The following GPC5 variants were observed in gnomAD, a reference collection of about 807,000 sequenced individuals.
GPC5 encodes the protein glypican 5, also known as glypican-5.
A neutral mutation model predicts 53.9 loss-of-function variants in GPC5; 47 were observed. The ratio of observed to expected loss-of-function variants is 0.87; its 90% CI spans 0.69 to 1.11. The LOEUF (loss-of-function observed/expected upper bound fraction) is 1.11, where lower values mean the gene tolerates loss of function less well. Ranked by LOEUF, GPC5 falls within the 50% of genes most tolerant of loss-of-function variation. GPC5 has a pLI of 0.00. For missense variants in GPC5, 748 were observed against 713.1 expected (o/e 1.05, Z -0.56); for synonymous variants, 286 against 263.3 (o/e 1.09, Z -0.84).
chr13:92,174,156 A>T (rs2042090861), intron 7 of GPC5, among the ~76,000 whole-genome samples: 1 of 152,030 alleles, frequency 6.6e-6, no homozygotes, highest in Non-Finnish European at 1.5e-5. Context: ...GCTTGCTGAT[A>T]AAAGTCATCT....
chr13:92,013,868 A>G (rs1368849094), intron 6 of GPC5, among the ~76,000 whole-genome samples: 1 of 152,176 alleles, frequency 6.6e-6, no homozygotes, highest in Non-Finnish European at 1.5e-5. Flanking sequence ...AAATTGTCAT[A>G]TAAAGCTTCA....
chr13:92,640,463 T>C (rs891589758), intron 7 of GPC5, among the ~76,000 whole-genome samples: 1 of 152,068 alleles, frequency 6.6e-6, no homozygotes, highest in Non-Finnish European at 1.5e-5. Flanking sequence ...AGTTTCACCG[T>C]GTTAGCCAGG....
rs142830361 is a variant in GPC5, at chr13:92,628,744, C to A, written c.1562-237538C>A. On this transcript the variant is annotated intron_variant, in intron 7 of 7. Transcript: ENST00000377067. The stretch of plus-strand genomic sequence containing the variant: ...CAAGTGTTCAAACCCCTGACTCCTT[C>A]TCCGAGTTGAGACTCTCATTGGCCT... Among the ~76,000 whole-genome samples, 350 of 152,248 alleles carry A rather than the reference C, an allele frequency of 2.3e-3. 2 individuals carry two copies. The highest frequency in any genetic ancestry group is 3.4e-3 in the Middle Eastern group (1 of 294).
chr13:92,665,237 T>A (rs1343939522), intron 7 of GPC5, among the ~76,000 whole-genome samples: 1 of 152,080 alleles, frequency 6.6e-6, no homozygotes, highest in Non-Finnish European at 1.5e-5. Flanking sequence ...AACAAGATAA[T>A]GGAGGGACAG....
chr13:91,467,075 C>A (rs1882287361), intron 2 of GPC5, among the ~76,000 whole-genome samples: 1 of 152,116 alleles, frequency 6.6e-6, no homozygotes, highest in South Asian at 2.1e-4. Context: ...ATGAGGACTG[C>A]CAGTATTTCA....
chr13:92,030,567 C>G (rs562606027), intron 6 of GPC5, among the ~76,000 whole-genome samples: 3 of 152,226 alleles, frequency 2.0e-5, no homozygotes, highest in African/African-American at 7.2e-5. Context: ...TCTCCTTTCC[C>G]TACATATATC....
intron 7 of GPC5, among the ~76,000 whole-genome samples, chr13:92,422,987 A>T (rs1437339301): frequency 6.6e-6 from 1 of 152,220 alleles, no homozygotes; most frequent in Non-Finnish European, 1.5e-5. Flanking sequence ...TATAAACAAC[A>T]GCAATTTATT....
chr13:92,153,330 G>T (rs990608899), intron 7 of GPC5, among the ~76,000 whole-genome samples: 1 of 152,062 alleles, frequency 6.6e-6, no homozygotes, highest in Non-Finnish European at 1.5e-5. Flanking sequence ...TAGAGACAGG[G>T]TTTCACCGTG....
At chr13:91,783,479 G>T (rs1368005075) in intron 5 of GPC5, among the ~76,000 whole-genome samples, 1 of 152,000 alleles carries the variant, frequency 6.6e-6, no homozygotes, top group African/African-American at 2.4e-5. Flanking sequence ...TGTCGCTCAG[G>T]CTGGAGTGCA....
chr13:92,459,517 C>A (rs906234979), intron 7 of GPC5, among the ~76,000 whole-genome samples: 1 of 152,154 alleles, frequency 6.6e-6, no homozygotes, highest in Non-Finnish European at 1.5e-5. Context: ...CAGAAGAAGT[C>A]GGTTCAAATA....
At chr13:92,762,715 T>C (rs1875235950) in intron 7 of GPC5, among the ~76,000 whole-genome samples, 1 of 152,174 alleles carries the variant, frequency 6.6e-6, no homozygotes, top group South Asian at 2.1e-4. Context: ...CAAATATTTG[T>C]TCACTTACTA....
chr13:91,685,759 G>A (rs1188328687), intron 2 of GPC5, among the ~76,000 whole-genome samples: 2 of 152,016 alleles, frequency 1.3e-5, no homozygotes, highest in African/African-American at 2.4e-5. Flanking sequence ...AACTAGATTT[G>A]AATACACTAA....
intron 7 of GPC5, among the ~76,000 whole-genome samples, chr13:92,464,978 A>G (rs1246625645): frequency 6.6e-6 from 1 of 151,990 alleles, no homozygotes; most frequent in Non-Finnish European, 1.5e-5. Flanking sequence ...AAAGAAGAAG[A>G]AAATACATTA....
In GPC5 at chr13:92,241,600, G is replaced by A. The variant is rs1284229787; in HGVS notation, c.1561+96611G>A. The stretch of plus-strand genomic sequence containing the variant: ...GTTTTATTTCTGTGGGATTGGCTAT[G>A]ACTACAGCAATTTTAGTGAGAGCCT... On this transcript the variant is annotated intron_variant, in intron 7 of 7. Transcript: ENST00000377067. 19 of 152,254 alleles carry A rather than the reference G, an allele frequency of 1.2e-4. No homozygotes were observed. The South Asian group carries it at 3.7e-3, about 30-fold the overall frequency. The allele number at this position is 152,254 out of a possible 1,614,324, so 9.4% of individuals were successfully genotyped here.
intron 7 of GPC5, among the ~76,000 whole-genome samples, chr13:92,656,258 G>T (rs1350669220): frequency 6.6e-6 from 1 of 152,218 alleles, no homozygotes; most frequent in Non-Finnish European, 1.5e-5. Flanking sequence ...AGTTGACATT[G>T]TGAGAAAAAG....
chr13:91,954,019 G>A (rs1805793229), intron 6 of GPC5, among the ~76,000 whole-genome samples: 1 of 151,626 alleles, frequency 6.6e-6, no homozygotes, highest in African/African-American at 2.4e-5. Context: ...AAATTTTTAG[G>A]AAAAAAAACT....
chr13:91,931,043 T>G (rs1168910848), intron 6 of GPC5, among the ~76,000 whole-genome samples: 1 of 152,090 alleles, frequency 6.6e-6, no homozygotes, highest in African/African-American at 2.4e-5. Context: ...GAATTTCAAT[T>G]ACACATTTTC....
intron 7 of GPC5, among the ~76,000 whole-genome samples, chr13:92,805,073 C>G (rs1461239405): frequency 3.3e-5 from 5 of 151,986 alleles, no homozygotes; most frequent in African/African-American, 7.2e-5. Flanking sequence ...AATTCTGAAC[C>G]CTTGAAAGTC....
At chr13:92,772,290 C>T (rs192048221) in intron 7 of GPC5, among the ~76,000 whole-genome samples, 250 of 152,244 alleles carry the variant, frequency 1.6e-3, no homozygotes, top group Non-Finnish European at 2.5e-3. Context: ...AAATTTCCAA[C>T]GTCATCTCAC....
Sources: allele counts gnomAD v4.1 joint callset (sites outside exome capture counted in the v4.1 genomes callset), GRCh38; gene constraint gnomAD v4.1.1; transcripts MANE v1.5; gene names NCBI Gene and HGNC (gene_info 2026-07-23, HGNC 2026-07-21).